ICE2: variants seen among roughly 807,000 people sequenced by gnomAD.
ICE2 encodes little elongation complex subunit 2.
A neutral mutation model predicts 105.4 loss-of-function variants in ICE2; 87 were observed. The ratio of observed to expected loss-of-function variants is 0.83; its 90% CI spans 0.69 to 0.99. The LOEUF (loss-of-function observed/expected upper bound fraction) is 0.99. Among genes scored for constraint, ICE2 ranks in the 50% least tolerant of loss-of-function variants. The probability of loss-of-function intolerance (pLI) is 0.00; values close to 1 mark genes in which losing one functional copy is unlikely to be tolerated. For missense variants in ICE2, 1,323 were observed against 1,146.7 expected, an observed-to-expected ratio of 1.15 and a Z score of -2.22; for synonymous variants, 399 against 392.0, an observed-to-expected ratio of 1.02 and a Z score of -0.21.
Position 60,423,593 on chromosome 15 carries a change from T to C in ICE2, c.*41A>G, listed in dbSNP as rs2063272160. 3.2e-6 allele frequency: 5 copies of C among 1,563,144 alleles called. No individual in the cohort carries two copies. The highest frequency in any genetic ancestry group is 2.4e-5 in the East Asian group (1 of 42,550). ...CAAACTTATCTAAATTAAACACTGT[T>C]ATAACTGTTTTTTTAAATTTAGTTT... On this transcript the variant is annotated 3_prime_UTR_variant, in exon 16 of 16. Transcript: ENST00000261520.
chr15:60,449,034 C>T lies in ICE2; in HGVS notation c.1933G>A (p.Val645Ile), dbSNP rs200403344. The T allele has an allele frequency of 2.3e-5, 37 of 1,613,334 alleles. No individual in the cohort carries two copies. Among genetic ancestry groups the T allele is most frequent in the Non-Finnish European group, 3.1e-5 (37 of 1,179,826 alleles). ...IKRVYKKFDP[V>I]GEILKMQDEL... ...TCCTGCATTTTTAAAATCTCTCCAA[C>T]TGGATCAAATTTTTTATATACTCGT... Residue 645 changes from valine to isoleucine, a missense_variant, in exon 10 of 16, where the codon GTT becomes ATT. Coordinates refer to ENST00000261520, the MANE Select transcript of ICE2 (RefSeq NM_024611.6).
At chr15:60,474,852 T>C (rs1323237342) in intron 3 of ICE2, among the ~76,000 whole-genome samples, 1 of 152,024 alleles carries the variant, frequency 6.6e-6, no homozygotes, top group Non-Finnish European at 1.5e-5. Flanking sequence ...CCAGGCAGAG[T>C]GGCTCCTGGC....
At chr15:60,462,565 A>G (rs2141121337) in intron 5 of ICE2, among the ~76,000 whole-genome samples, 1 of 152,312 alleles carries the variant, frequency 6.6e-6, no homozygotes, top group Non-Finnish European at 1.5e-5. Context: ...TAAAATTCAA[A>G]ACAGAAAAAG....
Position 60,449,378 on chromosome 15 carries a change from A to T in ICE2, c.1589T>A (p.Met530Lys). Reference sequence around the variant, plus strand: ...ATCAGCATGTAATATATCTATAGTCATATCATTTTTATTAGAAGTTTCAAT... The same window carrying T: ...ATCAGCATGTAATATATCTATAGTCTTATCATTTTTATTAGAAGTTTCAAT... ...QEIETSNKNDMTIDILHADGE... is the reference protein window; with the variant it reads ...QEIETSNKNDKTIDILHADGE... Residue 530 changes from methionine (M) to lysine (K), a missense_variant, in exon 10 of 16, where the codon ATG (methionine) becomes AAG (lysine). Transcript: ENST00000261520. 1.9e-6 allele frequency: 3 copies of T among 1,613,024 alleles called. No individual in the cohort carries two copies. The highest frequency in any genetic ancestry group is 2.5e-6 in the Non-Finnish European group (3 of 1,179,468).
chr15:60,453,582 G>GAA, intron 9 of ICE2, 21 bp downstream of exon 9: 1 of 1,592,280 alleles, frequency 6.3e-7, no homozygotes, highest in Admixed American at 1.7e-5. Flanking sequence ...CCCCTTAGGG[G>GAA]AAAAAAAAAG....
At chr15:60,439,806 T>G (rs1187279535) in intron 12 of ICE2, 1 of 152,242 alleles carries the variant, frequency 6.6e-6, no homozygotes, top group African/African-American at 2.4e-5. Flanking sequence ...TAAAATCTTA[T>G]GCCAGTGTCA....
chr15:60,427,301 G>C (rs938740642), intron 15 of ICE2, among the ~76,000 whole-genome samples: 3 of 152,236 alleles, frequency 2.0e-5, no homozygotes, highest in African/African-American at 7.2e-5. Context: ...CAACCATAAT[G>C]AGAAGATAAT....
rs1263176289 is a variant in ICE2 at position 60,422,867 on chromosome 15, A to G, written c.*767T>C. On this transcript the variant is annotated 3_prime_UTR_variant, in exon 16 of 16. Transcript: ENST00000261520. Reference sequence around the variant, plus strand: ...AAAAAAAAAAAGCTTATGCTTTACCACATTAACCTTGTCATCTGGAGCAAT... The same window carrying G: ...AAAAAAAAAAAGCTTATGCTTTACCGCATTAACCTTGTCATCTGGAGCAAT... 1.3e-5 allele frequency: 2 copies of G among 152,082 alleles called. No homozygotes were observed. The highest frequency in any genetic ancestry group is 2.9e-5 in the Non-Finnish European group (2 of 68,062). The allele number at this position is 152,082 out of a possible 1,614,324, so 9.4% of individuals were successfully genotyped here.
Position 60,479,022 on chromosome 15 carries a change from C to G in ICE2, c.-112G>C, listed in dbSNP as rs894915998. ...GCCCACCTCATGGTCCGCGGCGGCTCTTGCCCAGGCCGCAGCCACACACCA... is the reference window on the plus strand; with the variant it reads ...GCCCACCTCATGGTCCGCGGCGGCTGTTGCCCAGGCCGCAGCCACACACCA... On this transcript the variant is annotated 5_prime_UTR_variant, in exon 1 of 16. Transcript: ENST00000261520. The G allele has an allele frequency of 2.0e-5, 9 of 455,892 alleles. No homozygotes were observed. Among genetic ancestry groups the G allele is most frequent in the African/African-American group, 1.0e-4 (5 of 50,070 alleles). 28.2% of individuals were successfully genotyped at this position (455,892 alleles called of 1,614,324 possible).
At chr15:60,445,603 TA>T in intron 11 of ICE2, 1 of 968,904 alleles carries the variant, frequency 1.0e-6, no homozygotes, top group Non-Finnish European at 1.2e-6. Flanking sequence ...TATTTTGACA[TA>T]TTTTGATGAA....
chr15:60,453,033 C>A (rs1178395189), intron 9 of ICE2: 1 of 841,220 alleles, frequency 1.2e-6, no homozygotes, highest in African/African-American at 1.8e-5. Context: ...AAGTTTGAGA[C>A]CAGCCAGGCC....
rs1181651808 is a variant in ICE2 at position 60,419,683 on chromosome 15, T to C, written c.*3951A>G. On this transcript the variant is annotated 3_prime_UTR_variant, in exon 16 of 16. Transcript: ENST00000261520. The stretch of plus-strand genomic sequence containing the variant: ...CAATAAATCTTAATATCAAATACGT[T>C]AAGGTTTGATTAAAAACTACTACAT... 1 of 151,992 alleles carries C rather than the reference T, an allele frequency of 6.6e-6. No individual in the cohort carries two copies. Among genetic ancestry groups the C allele is most frequent in the Admixed American group, 6.6e-5 (1 of 15,236 alleles). 9.4% of individuals were successfully genotyped at this position (151,992 alleles called of 1,614,324 possible). A position where few individuals can be genotyped will look rare whatever the true frequency, so the allele number is the denominator to read the frequency against.
At chr15:60,432,035 T>C (rs770115437) in intron 13 of ICE2, 51 bp from the exon 14 acceptor site, 2 of 992,596 alleles carry the variant, frequency 2.0e-6, no homozygotes, top group East Asian at 2.6e-5. Flanking sequence ...AAACTTACTT[T>C]TAGCAATTAT....
At chr15:60,467,454 T>C (rs2064462116) in intron 4 of ICE2, among the ~76,000 whole-genome samples, 1 of 152,154 alleles carries the variant, frequency 6.6e-6, no homozygotes, top group African/African-American at 2.4e-5. Context: ...GCAAAAAAGG[T>C]AATGTCCAAT....
chr15:60,445,087 T>C (rs2141045664), intron 11 of ICE2, among the ~76,000 whole-genome samples: 1 of 152,282 alleles, frequency 6.6e-6, no homozygotes, highest in Non-Finnish European at 1.5e-5. Context: ...GAAACATAAA[T>C]GATACTGGAA....
chr15:60,478,030 G>A lies in ICE2; in HGVS notation c.-53C>T, dbSNP rs1028326028. 6 of 1,556,520 alleles carry A rather than the reference G, an allele frequency of 3.9e-6. No individual in the cohort carries two copies. Among genetic ancestry groups the A allele is most frequent in the African/African-American group, 1.4e-5 (1 of 73,742 alleles). ...TCACAGTTCACAGCTGCCTGGCTGC[G>A]AAGGCTCCAAGAGGCAGGATCCCTC... On this transcript the variant is annotated 5_prime_UTR_variant, in exon 2 of 16. Transcript: ENST00000261520.
At position 60,449,069 on chromosome 15, in the gene ICE2, T is replaced by G. The variant is rs1156902065; in HGVS notation, c.1898A>C (p.Lys633Thr). 55 of 1,613,558 alleles carry G rather than the reference T, an allele frequency of 3.4e-5. No homozygotes were observed. The highest frequency in any genetic ancestry group is 4.3e-5 in the Non-Finnish European group (51 of 1,179,850). Residue 633 changes from lysine (K) to threonine (T), a missense_variant, in exon 10 of 16, where the codon AAA becomes ACA. Transcript: ENST00000261520. ...CSPEESCVLK[K>T]PIKRVYKKFD... is the part of the protein sequence containing the mutation. ...TTTTTTATATACTCGTTTGATAGGT[T>G]TTTTTAAAACACATGACTCTTCAGG... is the stretch of plus-strand genomic sequence containing the variant.
At chr15:60,426,279 A>T (rs900386804) in intron 15 of ICE2, among the ~76,000 whole-genome samples, 15 of 152,184 alleles carry the variant, frequency 9.9e-5, no homozygotes, top group Non-Finnish European at 2.2e-4. Context: ...TAACAGTGCA[A>T]TGTATTACCT....
At chr15:60,426,169 A>G (rs1220168258) in intron 15 of ICE2, among the ~76,000 whole-genome samples, 1 of 152,240 alleles carries the variant, frequency 6.6e-6, no homozygotes, top group Admixed American at 6.5e-5. Flanking sequence ...ATACAGTCAC[A>G]TTTTGGTCAA....
Sources: gnomAD v4.1 joint callset for allele counts (sites outside exome capture counted in the v4.1 genomes callset) on GRCh38, gnomAD v4.1.1 for gene constraint, MANE v1.5 for transcripts, NCBI Gene and HGNC (gene_info 2026-07-23, HGNC 2026-07-21) for gene names.